The following BANK1 variants were observed in gnomAD, a reference collection of about 807,000 sequenced individuals.
BANK1 encodes B cell scaffold protein with ankyrin repeats 1.
A neutral mutation model predicts 94.5 loss-of-function variants in BANK1; 95 were observed. The observed-to-expected ratio is 1.00, with a 90% CI of 0.85 to 1.19. BANK1 has a LOEUF of 1.19. BANK1 is among the 50% of genes most tolerant of loss of function. The pLI, the probability that BANK1 is intolerant of heterozygous loss-of-function variation, is 0.00. For synonymous variants in BANK1, 334 were observed against 308.4 expected (o/e 1.08, Z -0.87); for missense variants, 987 against 932.2 (o/e 1.06, Z -0.77).
intron 6 of BANK1, among the ~76,000 whole-genome samples, chr4:101,907,945 A>G (rs1722515138): frequency 6.6e-6 from 1 of 152,200 alleles, no homozygotes; most frequent in African/African-American, 2.4e-5. Flanking sequence ...GCTCATGGGT[A>G]GGAAGAATCA....
At position 102,042,236 on chromosome 4, in the gene BANK1, T is replaced by C. The variant is rs573590032; in HGVS notation, c.1901-1603T>C. 2.0e-5 allele frequency among the ~76,000 whole-genome samples: 3 copies of C among 152,212 alleles called. No homozygotes were observed. The South Asian group carries it at 6.2e-4, about 32-fold the overall frequency. On this transcript the variant is annotated intron_variant, in intron 10 of 16. Transcript: ENST00000322953. ...CAAGTACCTCTTACAACATTTATTT[T>C]AATATCCTAACGTATAGTCATACAT...
At chr4:101,888,357 G>T (rs1026128335) in intron 5 of BANK1, among the ~76,000 whole-genome samples, 11 of 152,292 alleles carry the variant, frequency 7.2e-5, no homozygotes, top group African/African-American at 2.6e-4. Context: ...CAGAGAAAAA[G>T]AATAGATATG....
At chr4:101,876,887 GA>G (rs1056864198) in intron 5 of BANK1, among the ~76,000 whole-genome samples, 42 of 152,216 alleles carry the variant, frequency 2.8e-4, no homozygotes, top group African/African-American at 9.6e-4. Flanking sequence ...TTCTGGAGCT[GA>G]AAAATGAAGT....
At chr4:102,019,565 G>A (rs78874081) in intron 7 of BANK1, among the ~76,000 whole-genome samples, 7,940 of 152,156 alleles carry the variant, frequency 0.052, 493 homozygotes, top group African/African-American at 0.14. Flanking sequence ...ATAGAGCTGC[G>A]ATTTGTACTT....
chr4:101,876,835 T>C (rs548069986), intron 5 of BANK1, among the ~76,000 whole-genome samples: 3 of 152,106 alleles, frequency 2.0e-5, no homozygotes, highest in African/African-American at 7.2e-5. Flanking sequence ...GTCAGAGAAA[T>C]TTAATAAATA....
intron 6 of BANK1, among the ~76,000 whole-genome samples, chr4:101,904,880 T>C (rs1007993484): frequency 6.6e-6 from 1 of 152,208 alleles, no homozygotes; most frequent in African/African-American, 2.4e-5. Flanking sequence ...TCCAGTGCTG[T>C]AGAGAAATGA....
At chr4:102,043,662 A>T (rs1727776967) in intron 10 of BANK1, among the ~76,000 whole-genome samples, 177 bp from the exon 11 acceptor site, 1 of 152,090 alleles carries the variant, frequency 6.6e-6, no homozygotes, top group Non-Finnish European at 1.5e-5. Context: ...AATGACTGAT[A>T]AGCTGCACAA....
intron 7 of BANK1, among the ~76,000 whole-genome samples, chr4:102,003,313 A>G (rs1401820155): frequency 6.6e-6 from 1 of 152,200 alleles, no homozygotes. Flanking sequence ...TAATCATGCA[A>G]TTTGAGCAGG....
intron 1 of BANK1, among the ~76,000 whole-genome samples, chr4:101,816,120 C>G (rs1374496051): frequency 6.6e-6 from 1 of 152,176 alleles, no homozygotes; most frequent in Non-Finnish European, 1.5e-5. Context: ...GCAGCCTCAT[C>G]TGTAGCTCTA....
intron 2 of BANK1, among the ~76,000 whole-genome samples, chr4:101,830,426 A>G (rs1037513706): frequency 3.3e-5 from 5 of 152,162 alleles, no homozygotes; most frequent in African/African-American, 4.8e-5. Context: ...TGTTCTAAAC[A>G]TGGCTTATAA....
rs537557225 is a variant in BANK1 at position 101,955,835 on chromosome 4, TA to T, written c.1206+37649del. Among the ~76,000 whole-genome samples, 236 of 152,318 alleles carry T rather than the reference TA, an allele frequency of 1.5e-3. 1 individual carries two copies. Among genetic ancestry groups the T allele is most frequent in the African/African-American group, 5.3e-3 (219 of 41,582 alleles). On this transcript the variant is annotated intron_variant, in intron 7 of 16. Coordinates refer to ENST00000322953, the MANE Select transcript of BANK1 (RefSeq NM_017935.5). Reference sequence around the variant, plus strand: ...ACATCCAAGTTCCATCAATTAGCCATAAATGTTTCCTGAGGCACAGCACTGT... The same window carrying T: ...ACATCCAAGTTCCATCAATTAGCCATAATGTTTCCTGAGGCACAGCACTGT...
intron 9 of BANK1, 152 bp from the exon 10 acceptor site, chr4:102,029,808 A>C (rs537495520): frequency 1.6e-6 from 1 of 608,962 alleles, no homozygotes; most frequent in East Asian, 2.7e-5. Flanking sequence ...TGACATATAA[A>C]TTATTCTCCT....
At chr4:101,851,874 C>T (rs903119703) in intron 2 of BANK1, among the ~76,000 whole-genome samples, 9 of 152,278 alleles carry the variant, frequency 5.9e-5, no homozygotes, top group African/African-American at 7.2e-5. Flanking sequence ...GTAGAAGTAG[C>T]AGCTGGGAAA....
chr4:101,806,079 T>G (rs1402555285), intron 1 of BANK1, among the ~76,000 whole-genome samples: 1 of 151,288 alleles, frequency 6.6e-6, no homozygotes, highest in African/African-American at 2.4e-5. Flanking sequence ...TTAATATATT[T>G]TCTTTTATTT....
At chr4:101,987,271 A>G (rs939014718) in intron 7 of BANK1, among the ~76,000 whole-genome samples, 2 of 151,986 alleles carry the variant, frequency 1.3e-5, no homozygotes, top group African/African-American at 4.8e-5. Flanking sequence ...AGGGATTACT[A>G]AGTGTTCTGT....
chr4:102,007,144 TTTTATATATATATATA>T lies in BANK1; in HGVS notation c.1207-14368_1207-14353del, dbSNP rs1726324807. On this transcript the variant is annotated intron_variant, in intron 7 of 16. Transcript: ENST00000322953. Reference sequence around the variant, plus strand: ...ATTTTATATATATATAAAAAATATATTTTATATATATATATATATATATATAAAATCCCTAAAATAG... The same window carrying T: ...ATTTTATATATATATAAAAAATATATTATATATATAAAATCCCTAAAATAG... Among the ~76,000 whole-genome samples, 9 of 83,936 alleles carry T rather than the reference TTTTATATATATATATA, an allele frequency of 1.1e-4. No homozygotes were observed. The South Asian group carries it at 1.1e-3, about 11-fold the overall frequency. The allele number at this position is 83,936 out of a possible 152,430, so 55.1% of individuals were successfully genotyped here. A position where few individuals can be genotyped will look rare whatever the true frequency, so the allele number is the denominator to read the frequency against.
intron 6 of BANK1, among the ~76,000 whole-genome samples, chr4:101,904,914 A>G (rs1019458966): frequency 6.6e-6 from 1 of 152,224 alleles, no homozygotes; most frequent in Non-Finnish European, 1.5e-5. Flanking sequence ...TCCTGTATCT[A>G]CCAAACCTTT....
chr4:101,852,470 C>CTTTATA (rs1553927039), intron 2 of BANK1, among the ~76,000 whole-genome samples: 1 of 103,794 alleles, frequency 9.6e-6, no homozygotes, highest in African/African-American at 4.2e-5. Flanking sequence ...TATTTTTCGG[C>CTTTATA]TATATATATA....
Position 101,815,232 on chromosome 4 carries a change from A to G in BANK1, c.71-14576A>G, listed in dbSNP as rs377233094. 2.6e-5 allele frequency among the ~76,000 whole-genome samples: 4 copies of G among 152,156 alleles called. No homozygotes were observed. The East Asian group carries it at 5.8e-4, about 22-fold the overall frequency. On this transcript the variant is annotated intron_variant, in intron 1 of 16. Transcript: ENST00000322953. ...CTGTCAGAACATATGCCCTCATGCT[A>G]CAGGAGCTTAACAAAACAATTACAG...
Sources: gnomAD v4.1 joint callset for allele counts (sites outside exome capture counted in the v4.1 genomes callset) on GRCh38, gnomAD v4.1.1 for gene constraint, MANE v1.5 for transcripts, NCBI Gene and HGNC (gene_info 2026-07-23, HGNC 2026-07-21) for gene names.